Variants in NALCN observed in about 807,000 individuals in gnomAD.
NALCN encodes the protein sodium leak channel, non-selective.
Under a neutral mutation model 225.3 loss-of-function variants are expected in NALCN, and 111 were observed. That is an observed-to-expected ratio of 0.49 (90% CI 0.42 to 0.58). NALCN has a LOEUF of 0.58. NALCN is among the 20% of genes least tolerant of loss of function. The pLI, the probability that NALCN is intolerant of heterozygous loss-of-function variation, is 0.00. For synonymous variants in NALCN, 764 were observed against 769.0 expected (o/e 0.99, Z 0.11); for missense variants, 1,378 against 2,202.4 (o/e 0.63, Z 7.49).
chr13:101,241,250 T>A (rs1345842881), intron 11 of NALCN, among the ~76,000 whole-genome samples: 1 of 152,208 alleles, frequency 6.6e-6, no homozygotes, highest in Non-Finnish European at 1.5e-5. Flanking sequence ...AAGACCTGCA[T>A]TTAGGGTACA....
intron 3 of NALCN, among the ~76,000 whole-genome samples, chr13:101,393,222 C>A (rs893232193): frequency 6.6e-6 from 1 of 152,208 alleles, no homozygotes; most frequent in Non-Finnish European, 1.5e-5. Context: ...CATCTAACCT[C>A]ACTCTCAAAA....
chr13:101,234,328 G>C (rs1594494717), intron 12 of NALCN, among the ~76,000 whole-genome samples: 1 of 152,154 alleles, frequency 6.6e-6, no homozygotes, highest in East Asian at 1.9e-4. Flanking sequence ...AATATCACTT[G>C]AATAAATACA....
At chr13:101,360,457 T>A (rs1167576825) in intron 6 of NALCN, among the ~76,000 whole-genome samples, 2 of 152,092 alleles carry the variant, frequency 1.3e-5, no homozygotes, top group African/African-American at 4.8e-5. Flanking sequence ...GGTCTTGAAC[T>A]CCTAGTCTCA....
At chr13:101,069,664 C>T (rs1368665589) in intron 37 of NALCN, among the ~76,000 whole-genome samples, 3 of 152,224 alleles carry the variant, frequency 2.0e-5, no homozygotes, top group Non-Finnish European at 2.9e-5. Flanking sequence ...ATTTTACCCA[C>T]AATAGAACTT....
intron 14 of NALCN, among the ~76,000 whole-genome samples, chr13:101,178,504 C>T (rs2039056892): frequency 6.6e-6 from 1 of 152,260 alleles, no homozygotes; most frequent in Admixed American, 6.5e-5. Flanking sequence ...AGTTCTACAA[C>T]CTAAAAGAAT....
At chr13:101,318,517 G>A (rs1380206750) in intron 7 of NALCN, among the ~76,000 whole-genome samples, 1 of 152,182 alleles carries the variant, frequency 6.6e-6, no homozygotes, top group Non-Finnish European at 1.5e-5. Context: ...TCTTAACTAT[G>A]TGAAGAGACA....
intron 28 of NALCN, among the ~76,000 whole-genome samples, chr13:101,095,014 CT>C (rs1057004977): frequency 3.3e-5 from 5 of 152,080 alleles, no homozygotes; most frequent in African/African-American, 4.8e-5. Context: ...AAAGAAGGTA[CT>C]AGGTATTTCT....
At chr13:101,138,408 T>A (rs1012313019) in intron 17 of NALCN, among the ~76,000 whole-genome samples, 1 of 152,248 alleles carries the variant, frequency 6.6e-6, no homozygotes, top group Non-Finnish European at 1.5e-5. Flanking sequence ...AACTATCATA[T>A]GCTTCAGCAG....
chr13:101,199,654 T>C (rs1258793616), intron 13 of NALCN, among the ~76,000 whole-genome samples: 1 of 49,774 alleles, frequency 2.0e-5, no homozygotes, highest in Non-Finnish European at 3.5e-5. Context: ...TGTTGTGGGG[T>C]GGGGGGAGGG....
At chr13:101,213,495 T>A (rs1340747528) in intron 13 of NALCN, among the ~76,000 whole-genome samples, 1 of 152,012 alleles carries the variant, frequency 6.6e-6, no homozygotes, top group Non-Finnish European at 1.5e-5. Flanking sequence ...GAAACTACCA[T>A]CAGAGTGAAC....
At chr13:101,178,546 T>C (rs1464839854) in intron 14 of NALCN, among the ~76,000 whole-genome samples, 3 of 152,194 alleles carry the variant, frequency 2.0e-5, no homozygotes, top group Non-Finnish European at 2.9e-5. Flanking sequence ...CTTGAAGTAA[T>C]GTAAACATCA....
chr13:101,115,566 T>C (rs2035667262), intron 18 of NALCN, among the ~76,000 whole-genome samples: 1 of 152,198 alleles, frequency 6.6e-6, no homozygotes, highest in African/African-American at 2.4e-5. Flanking sequence ...GTAACAGACC[T>C]ACCCAGAAGG....
At chr13:101,258,106 C>T (rs527768657) in intron 11 of NALCN, among the ~76,000 whole-genome samples, 18 of 152,186 alleles carry the variant, frequency 1.2e-4, no homozygotes, top group Admixed American at 1.1e-3. Flanking sequence ...TCTGTGCCTG[C>T]TTGTACTTAG....
At chr13:101,415,238 T>TATACATACACATATA (rs2047908322) in intron 1 of NALCN, among the ~76,000 whole-genome samples, 1 of 149,142 alleles carries the variant, frequency 6.7e-6, no homozygotes, top group African/African-American at 2.5e-5. Context: ...TACATATATA[T>TATACATACACATATA]TTCAAAATCG....
intron 28 of NALCN, among the ~76,000 whole-genome samples, chr13:101,090,991 G>T (rs1175239348): frequency 6.6e-6 from 1 of 152,016 alleles, no homozygotes. Context: ...TTTTAACATG[G>T]TTATACTTTT....
intron 10 of NALCN, among the ~76,000 whole-genome samples, chr13:101,274,539 G>A (rs57794470): frequency 0.072 from 10,910 of 152,214 alleles, 1,206 homozygotes; most frequent in African/African-American, 0.24. Flanking sequence ...CACACAGTGA[G>A]TGGTCCATAA....
intron 43 of NALCN, among the ~76,000 whole-genome samples, chr13:101,056,664 ATC>A (rs2139378861): frequency 6.6e-6 from 1 of 151,334 alleles, no homozygotes; most frequent in South Asian, 2.1e-4. Context: ...TCCCTGCAGT[ATC>A]TGGCCCCCAG....
rs1277646124 is a variant in NALCN, at chr13:101,082,890, C to T, written c.3691-7G>A. 1 of 1,614,180 alleles carries T rather than the reference C, an allele frequency of 6.2e-7. No homozygotes were observed. Among genetic ancestry groups the T allele is most frequent in the Non-Finnish European group, 8.5e-7 (1 of 1,179,980 alleles). On this transcript the variant is annotated splice_polypyrimidine_tract_variant and splice_region_variant and intron_variant, in intron 32 of 43. Transcript: ENST00000251127. Reference sequence around the variant, plus strand: ...CCGGGTCCTCGACGTCCCACTGCAACAGAAACAGCACACGAGTCGTTGCCC... The same window carrying T: ...CCGGGTCCTCGACGTCCCACTGCAATAGAAACAGCACACGAGTCGTTGCCC...
intron 6 of NALCN, among the ~76,000 whole-genome samples, chr13:101,349,749 C>T (rs1744087828): frequency 6.6e-6 from 1 of 152,178 alleles, no homozygotes; most frequent in Admixed American, 6.5e-5. Flanking sequence ...CATCCACTTT[C>T]ATGATTTCTC....
Sources: gnomAD v4.1 joint callset for allele counts (sites outside exome capture counted in the v4.1 genomes callset) on GRCh38, gnomAD v4.1.1 for gene constraint, MANE v1.5 for transcripts, NCBI Gene and HGNC (gene_info 2026-07-23, HGNC 2026-07-21) for gene names.